Variants in GIPR observed in about 807,000 individuals in gnomAD.
GIPR encodes the protein GIP-R.
GIPR carries 74 observed loss-of-function variants against 62.2 expected under a neutral mutation model. The ratio of observed to expected loss-of-function variants is 1.19; its 90% CI spans 0.99 to 1.44. The LOEUF (loss-of-function observed/expected upper bound fraction) is 1.44. Ranked by LOEUF, GIPR falls within the 40% of genes most tolerant of loss-of-function variation. The probability of loss-of-function intolerance (pLI) is 0.00; values close to 1 mark genes in which losing one functional copy is unlikely to be tolerated. For synonymous variants in GIPR, 256 were observed against 262.2 expected (o/e 0.98, Z 0.23); for missense variants, 664 against 611.8 (o/e 1.09, Z -0.90).
intron 12 of GIPR, 49 bp downstream of exon 12, chr19:45,678,275 C>G (rs1967064162): frequency 6.5e-7 from 1 of 1,538,456 alleles, no homozygotes; most frequent in Non-Finnish European, 8.7e-7. Context: ...AGGGCCTCCT[C>G]CCCAGAGGGG....
chr19:45,681,024 A>G (rs991392222), intron 12 of GIPR, among the ~76,000 whole-genome samples: 2 of 152,150 alleles, frequency 1.3e-5, no homozygotes, highest in African/African-American at 2.4e-5. Flanking sequence ...GCCCACCTCC[A>G]GGGTCCACAG....
chr19:45,677,788 G>C lies in GIPR; in HGVS notation c.924+9G>C. On this transcript the variant is annotated intron_variant, in intron 10 of 13. Transcript: ENST00000590918. Reference sequence around the variant, plus strand: ...TCCTCATGACCATCTTGGTAGGATCGGTCCCGCCTCCACCAGGCCGCCCTC... The same window carrying C: ...TCCTCATGACCATCTTGGTAGGATCCGTCCCGCCTCCACCAGGCCGCCCTC... 1 of 1,611,004 alleles carries C rather than the reference G, an allele frequency of 6.2e-7. No individual in the cohort carries two copies. Among genetic ancestry groups the C allele is most frequent in the Non-Finnish European group, 8.5e-7 (1 of 1,177,200 alleles).
Position 45,674,175 on chromosome 19 carries a change from C to T in GIPR, c.486C>T (p.Phe162=). The change falls in exon 6 of 14, where the codon TTC becomes TTT. Residue 162 remains phenylalanine (F), a splice_region_variant and synonymous_variant. Coordinates refer to ENST00000590918, the MANE Select transcript of GIPR (RefSeq NM_000164.4). The part of the protein sequence containing the change: ...LLLALLILSL[F]RRLHCTRNYI... ...TAGCCCTGCTCATCTTGAGTTTGTT[C>T]AGGTGGGACCTTAACCCTGAGTGGT... 6.3e-7 allele frequency: 1 copy of T among 1,598,504 alleles called. No homozygotes were observed. The highest frequency in any genetic ancestry group is 1.3e-5 in the African/African-American group (1 of 74,684).
intron 11 of GIPR, 42 bp from the exon 12 acceptor site, chr19:45,678,045 GA>G: frequency 1.2e-6 from 2 of 1,611,818 alleles, no homozygotes; most frequent in Non-Finnish European, 1.7e-6. Context: ...GCGAGATGGG[GA>G]ACCAGGGCTG....
chr19:45,676,147 G>A (rs113272534), intron 7 of GIPR, among the ~76,000 whole-genome samples: 9,003 of 150,698 alleles, frequency 0.06, 928 homozygotes, highest in African/African-American at 0.21. Context: ...AGATTGCAGT[G>A]AGCCGAGATC....
Position 45,674,162 on chromosome 19 carries a change from T to C in GIPR, c.473T>C (p.Ile158Thr). ...SLATLLLALL[I>T]LSLFRRLHCT... ...GCCACACTGCTGCTAGCCCTGCTCATCTTGAGTTTGTTCAGGTGGGACCTT... is the reference window on the plus strand; with the variant it reads ...GCCACACTGCTGCTAGCCCTGCTCACCTTGAGTTTGTTCAGGTGGGACCTT... The change falls in exon 6 of 14, where the codon ATC becomes ACC. Residue 158 changes from isoleucine (I) to threonine (T), a missense_variant. Coordinates refer to ENST00000590918, the MANE Select transcript of GIPR (RefSeq NM_000164.4). The C allele has an allele frequency of 6.2e-7, 1 of 1,612,238 alleles. No homozygotes were observed. The highest frequency in any genetic ancestry group is 8.5e-7 in the Non-Finnish European group (1 of 1,178,334).
chr19:45,677,651 C>G (rs922445513), intron 9 of GIPR, 59 bp from the exon 10 acceptor site: 1 of 1,348,916 alleles, frequency 7.4e-7, no homozygotes, highest in Admixed American at 1.7e-5. Flanking sequence ...AGCAAATGAG[C>G]TTGGTGATCG....
Position 45,681,603 on chromosome 19 carries a change from G to C in GIPR, c.1153-1G>C, listed in dbSNP as rs771696269. On this transcript the variant is annotated splice_acceptor_variant, in intron 12 of 13. Transcript: ENST00000590918. LOFTEE classifies it high-confidence loss of function. ...GTAACCTCCGCGCCTCCTCTGGGCA[G>C]GGCTTCCTGGTCAGCGTCCTCTACT... 1.9e-6 allele frequency: 3 copies of C among 1,613,796 alleles called. No homozygotes were observed. Among genetic ancestry groups the C allele is most frequent in the Non-Finnish European group, 1.7e-6 (2 of 1,179,932 alleles).
chr19:45,676,181 C>T (rs1408668141), intron 7 of GIPR, among the ~76,000 whole-genome samples: 1 of 135,128 alleles, frequency 7.4e-6, no homozygotes, highest in African/African-American at 2.8e-5. Flanking sequence ...CCAGCCTGGG[C>T]GACAGAGCAA....
At chr19:45,673,603 T>C (rs553497639) in intron 5 of GIPR, among the ~76,000 whole-genome samples, 105 of 150,934 alleles carry the variant, frequency 7.0e-4, no homozygotes, top group Non-Finnish European at 1.3e-3. Flanking sequence ...TGGTGGCTCA[T>C]GCCTGTAATC....
rs748875548 is a variant in GIPR, at chr19:45,669,509, G to A, written c.-12G>A. ...CGCCCCTGCACGAACCAGACCCTTC[G>A]CCGCCCTCACGATGACTACCTCTCC... On this transcript the variant is annotated 5_prime_UTR_variant, in exon 2 of 14. Coordinates refer to ENST00000590918, the MANE Select transcript of GIPR (RefSeq NM_000164.4). The A allele has an allele frequency of 1.3e-6, 2 of 1,568,214 alleles. No individual in the cohort carries two copies. Among genetic ancestry groups the A allele is most frequent in the Non-Finnish European group, 1.7e-6 (2 of 1,159,854 alleles).
chr19:45,681,619 G>A lies in GIPR; in HGVS notation c.1168G>A (p.Val390Ile), dbSNP rs1431350838. The change falls in exon 13 of 14, where the codon GTC (valine) becomes ATC (isoleucine). Residue 390 changes from valine (V) to isoleucine (I), a missense_variant. Physicochemically the swap from Val to Ile is conservative, Grantham distance 29 (BLOSUM62 3). Coordinates refer to ENST00000590918, the MANE Select transcript of GIPR (RefSeq NM_000164.4). ...CTCTGGGCAGGGCTTCCTGGTCAGC[G>A]TCCTCTACTGCTTCATCAACAAGGA... ...LSSFQGFLVS[V>I]LYCFINKEVQ... 1 of 1,613,938 alleles carries A rather than the reference G, an allele frequency of 6.2e-7. No homozygotes were observed. Among genetic ancestry groups the A allele is most frequent in the East Asian group, 2.2e-5 (1 of 44,872 alleles).
chr19:45,679,558 A>G (rs1967124099), intron 12 of GIPR, among the ~76,000 whole-genome samples: 1 of 151,830 alleles, frequency 6.6e-6, no homozygotes. Flanking sequence ...TAAAGCAAGA[A>G]AAGAGATGAG....
intron 1 of GIPR, among the ~76,000 whole-genome samples, chr19:45,669,199 C>G (rs116445573): frequency 6.6e-6 from 1 of 151,854 alleles, no homozygotes; most frequent in South Asian, 2.1e-4. Context: ...CAGCAAACAC[C>G]CCCCCCTTCC....
Position 45,682,867 on chromosome 19 carries a change from A to G in GIPR, c.*932A>G, listed in dbSNP as rs1234909389. The G allele has an allele frequency of 6.6e-6, 1 of 152,286 alleles. No homozygotes were observed. The highest frequency in any genetic ancestry group is 1.5e-5 in the Non-Finnish European group (1 of 68,136). 9.4% of individuals were successfully genotyped at this position (152,286 alleles called of 1,614,324 possible). On this transcript the variant is annotated 3_prime_UTR_variant, in exon 14 of 14. Coordinates refer to ENST00000590918, the MANE Select transcript of GIPR (RefSeq NM_000164.4). ...CCAAATGGGCTAATGTTTTAAACAG[A>G]TCCTTCTTGTCTGCCCTGTAGGAGG...
rs755589183 is a variant in GIPR at position 45,674,071 on chromosome 19, C to CAGGACCAA, written c.386_393dup. 4.3e-5 allele frequency: 68 copies of CAGGACCAA among 1,597,008 alleles called. No individual in the cohort carries two copies. In the African/African-American group the frequency reaches 4.6e-4, roughly 11 times the overall value. ...GTTCCCTTCCCCTTCTTGCCCCGACCAGGACCAAAGGCTCATCTTGGAGCG... is the reference window on the plus strand; with the variant it reads ...GTTCCCTTCCCCTTCTTGCCCCGACCAGGACCAAAGGACCAAAGGCTCATCTTGGAGCG... On this transcript the variant is annotated splice_region_variant and splice_polypyrimidine_tract_variant and intron_variant, in intron 5 of 13. Coordinates refer to ENST00000590918, the MANE Select transcript of GIPR (RefSeq NM_000164.4).
chr19:45,674,961 C>T, intron 7 of GIPR, 135 bp downstream of exon 7: 3 of 852,932 alleles, frequency 3.5e-6, no homozygotes, highest in African/African-American at 1.7e-5. Flanking sequence ...CCAAATGTGT[C>T]TTGGGGTGGG....
chr19:45,670,427 A>C, intron 2 of GIPR: 2 of 451,484 alleles, frequency 4.4e-6, no homozygotes, highest in Admixed American at 3.8e-5. Context: ...ATTTTCTTGA[A>C]GGTTTTCAGT....
rs757912308 is a variant in GIPR at position 45,677,785 on chromosome 19, A to T, written c.924+6A>T. The T allele has an allele frequency of 6.2e-7, 1 of 1,611,686 alleles. No individual in the cohort carries two copies. Among genetic ancestry groups the T allele is most frequent in the South Asian group, 1.1e-5 (1 of 91,036 alleles). On this transcript the variant is annotated splice_donor_region_variant and intron_variant, in intron 10 of 13. Coordinates refer to ENST00000590918, the MANE Select transcript of GIPR (RefSeq NM_000164.4). ...CCATCCTCATGACCATCTTGGTAGG[A>T]TCGGTCCCGCCTCCACCAGGCCGCC... is the stretch of plus-strand genomic sequence containing the variant.
Sources: gnomAD v4.1 joint callset for allele counts (sites outside exome capture counted in the v4.1 genomes callset) on GRCh38, gnomAD v4.1.1 for gene constraint, MANE v1.5 for transcripts, NCBI Gene and HGNC (gene_info 2026-07-23, HGNC 2026-07-21) for gene names.